The following PIBF1 variants were observed in gnomAD, a reference collection of about 807,000 sequenced individuals.
PIBF1 encodes the protein progesterone immunomodulatory binding factor 1, also known as progesterone-induced-blocking factor 1.
Under a neutral mutation model 112.5 loss-of-function variants are expected in PIBF1, and 90 were observed. That is an observed-to-expected ratio of 0.80 (90% CI 0.67 to 0.95). The LOEUF is 0.95. PIBF1 is among the 40% of genes least tolerant of loss of function. The pLI is 0.00. For synonymous variants in PIBF1, 301 were observed against 288.6 expected, an observed-to-expected ratio of 1.04 and a Z score of -0.44; for missense variants, 915 against 852.3, an observed-to-expected ratio of 1.07 and a Z score of -0.92.
chr13:72,840,829 A>G (rs1461384661), intron 9 of PIBF1, among the ~76,000 whole-genome samples: 4 of 152,280 alleles, frequency 2.6e-5, no homozygotes, highest in African/African-American at 4.8e-5. Context: ...CCCGGCCCCA[A>G]TAAACATTTT....
At chr13:72,978,427 C>T (rs1432269088) in intron 16 of PIBF1, among the ~76,000 whole-genome samples, 1 of 152,086 alleles carries the variant, frequency 6.6e-6, no homozygotes, top group Non-Finnish European at 1.5e-5. Flanking sequence ...TTCCCTGAAA[C>T]AAAACTAAGG....
intron 10 of PIBF1, among the ~76,000 whole-genome samples, chr13:72,869,118 A>G (rs1258667351): frequency 6.6e-6 from 1 of 152,156 alleles, no homozygotes. Context: ...ATTACTGGGT[A>G]TATACCCAAA....
intron 13 of PIBF1, among the ~76,000 whole-genome samples, chr13:72,927,206 T>C (rs567680971): frequency 6.2e-4 from 94 of 152,046 alleles, no homozygotes; most frequent in African/African-American, 2.0e-3. Context: ...GTAGCTGGGA[T>C]TAAAGATGTG....
At chr13:72,875,894 TCC>T (rs1354407996) in intron 10 of PIBF1, among the ~76,000 whole-genome samples, 1 of 152,180 alleles carries the variant, frequency 6.6e-6, no homozygotes, top group African/African-American at 2.4e-5. Flanking sequence ...GTTTTTATTT[TCC>T]TTCTCTTGAT....
chr13:72,793,666 C>T (rs2035047320), intron 3 of PIBF1, among the ~76,000 whole-genome samples: 2 of 152,074 alleles, frequency 1.3e-5, no homozygotes, highest in East Asian at 1.9e-4. Context: ...CTCTTGATAG[C>T]TGATGGTCAT....
chr13:72,796,249 GAAA>G (rs202054907), intron 4 of PIBF1, among the ~76,000 whole-genome samples: 1 of 151,816 alleles, frequency 6.6e-6, no homozygotes, highest in Non-Finnish European at 1.5e-5. Flanking sequence ...ATGAAACGGG[GAAA>G]AAAAATCTTA....
chr13:72,933,506 A>G (rs1460102899), intron 14 of PIBF1, among the ~76,000 whole-genome samples: 1 of 152,264 alleles, frequency 6.6e-6, no homozygotes, highest in Non-Finnish European at 1.5e-5. Context: ...TACTAAAAAT[A>G]CAAAAATTAG....
intron 10 of PIBF1, among the ~76,000 whole-genome samples, chr13:72,862,946 CAT>C (rs1275431089): frequency 6.6e-6 from 1 of 151,938 alleles, no homozygotes; most frequent in Non-Finnish European, 1.5e-5. Context: ...GAAATTATAA[CAT>C]AAAAATAATA....
At chr13:72,949,340 G>T in intron 14 of PIBF1, among the ~76,000 whole-genome samples, 1 of 94,106 alleles carries the variant, frequency 1.1e-5, no homozygotes, top group Non-Finnish European at 1.9e-5. Context: ...TTTTGAGACA[G>T]AGTCTCGCTC....
intron 9 of PIBF1, among the ~76,000 whole-genome samples, chr13:72,843,348 C>T (rs1158793958): frequency 6.6e-6 from 1 of 152,182 alleles, no homozygotes; most frequent in Non-Finnish European, 1.5e-5. Flanking sequence ...ACCTCAGGAA[C>T]GACCCCAACT....
chr13:72,911,044 G>A lies in PIBF1; in HGVS notation c.1639+2363G>A, dbSNP rs928265502. Among the ~76,000 whole-genome samples the A allele has an allele frequency of 2.6e-4, 39 of 152,108 alleles. 1 individual carries two copies. The highest frequency in any genetic ancestry group is 1.5e-5 in the Non-Finnish European group (1 of 68,034). Reference sequence around the variant, plus strand: ...GAAAAAAGTTGAAGCCCTGTGTGGTGGTGCACTCCTGCAGTCCCAGCTACC... The same window carrying A: ...GAAAAAAGTTGAAGCCCTGTGTGGTAGTGCACTCCTGCAGTCCCAGCTACC... On this transcript the variant is annotated intron_variant, in intron 12 of 17. Transcript: ENST00000326291.
chr13:72,946,337 A>G, intron 14 of PIBF1, among the ~76,000 whole-genome samples: 1 of 152,168 alleles, frequency 6.6e-6, no homozygotes, highest in East Asian at 1.9e-4. Flanking sequence ...CGCATGATTA[A>G]TTACTTCCCA....
rs532667806 is a variant in PIBF1, at chr13:72,824,877, C to A, written c.807-2133C>A. On this transcript the variant is annotated intron_variant, in intron 6 of 17. Coordinates refer to ENST00000326291, the MANE Select transcript of PIBF1 (RefSeq NM_006346.4). ...CATACCTCAGTACATCTTCACATAA[C>A]ATACTGAGAATGCGTTTCTGTATCA... is the stretch of plus-strand genomic sequence containing the variant. Among the ~76,000 whole-genome samples, 10 of 152,298 alleles carry A rather than the reference C, an allele frequency of 6.6e-5. No homozygotes were observed. In the South Asian group the frequency reaches 2.1e-3, roughly 32 times the overall value.
intron 17 of PIBF1, among the ~76,000 whole-genome samples, chr13:73,010,316 A>G (rs1225474648): frequency 6.6e-6 from 1 of 151,168 alleles, no homozygotes; most frequent in Non-Finnish European, 1.5e-5. Flanking sequence ...TTAAAGAACA[A>G]TGGTGGCCGG....
At chr13:72,956,698 A>G (rs1269191981) in intron 14 of PIBF1, among the ~76,000 whole-genome samples, 2 of 152,162 alleles carry the variant, frequency 1.3e-5, no homozygotes, top group African/African-American at 4.8e-5. Context: ...TAGCCCTTAA[A>G]TGTAGGTGTC....
intron 15 of PIBF1, among the ~76,000 whole-genome samples, chr13:72,972,520 C>T (rs937872011): frequency 9.9e-5 from 15 of 151,996 alleles, no homozygotes; most frequent in Non-Finnish European, 2.1e-4. Flanking sequence ...AAAAATTAGC[C>T]GGGCATGGTG....
At chr13:72,895,889 A>C (rs979976629) in intron 11 of PIBF1, among the ~76,000 whole-genome samples, 1 of 152,102 alleles carries the variant, frequency 6.6e-6, no homozygotes, top group African/African-American at 2.4e-5. Flanking sequence ...TTCAAGCCCA[A>C]CTCACTCTGG....
At chr13:73,009,959 G>C (rs1336289523) in intron 17 of PIBF1, among the ~76,000 whole-genome samples, 1 of 152,128 alleles carries the variant, frequency 6.6e-6, no homozygotes, top group African/African-American at 2.4e-5. Context: ...TAATGCCAAA[G>C]TTTTTATTTA....
intron 16 of PIBF1, among the ~76,000 whole-genome samples, chr13:72,981,976 A>G (rs1318031639): frequency 6.6e-6 from 1 of 152,216 alleles, no homozygotes; most frequent in Non-Finnish European, 1.5e-5. Flanking sequence ...TTTTGAGACA[A>G]TAATTTCACC....
Sources: allele counts gnomAD v4.1 joint callset (sites outside exome capture counted in the v4.1 genomes callset), GRCh38; gene constraint gnomAD v4.1.1; transcripts MANE v1.5; gene names NCBI Gene and HGNC (gene_info 2026-07-23, HGNC 2026-07-21).